Variants in RBM46 observed in about 807,000 individuals in gnomAD.
The protein encoded by RBM46 is probable RNA-binding protein 46.
In RBM46, 12 loss-of-function variants were observed where a neutral mutation model predicts 43.3. That is an observed-to-expected ratio of 0.28 (90% CI 0.18 to 0.45). The LOEUF is 0.45. RBM46 is among the 20% of genes least tolerant of loss of function. The pLI is 1.00. For missense variants in RBM46, 412 were observed against 639.1 expected, an observed-to-expected ratio of 0.64 and a Z score of 3.83; for synonymous variants, 205 against 207.6, an observed-to-expected ratio of 0.99 and a Z score of 0.11.
At chr4:154,807,236 GT>G (rs1734949369) in intron 4 of RBM46, among the ~76,000 whole-genome samples, 3 of 151,586 alleles carry the variant, frequency 2.0e-5, no homozygotes, top group African/African-American at 7.3e-5. Context: ...GAATGTAGCA[GT>G]TCATAATTTT....
chr4:154,787,063 C>T (rs1270508718), intron 1 of RBM46: 1 of 152,092 alleles, frequency 6.6e-6, no homozygotes, highest in African/African-American at 2.4e-5. Context: ...TTTTTTCCTT[C>T]TCTGGAGATA....
chr4:154,806,805 A>G (rs1353820838), intron 4 of RBM46, among the ~76,000 whole-genome samples: 1 of 151,952 alleles, frequency 6.6e-6, no homozygotes, highest in Non-Finnish European at 1.5e-5. Flanking sequence ...ACTACTTAAA[A>G]GTTTGGAAAC....
chr4:154,816,335 A>G (rs996579824), intron 4 of RBM46, among the ~76,000 whole-genome samples: 6 of 152,082 alleles, frequency 3.9e-5, no homozygotes, highest in East Asian at 1.9e-4. Flanking sequence ...GGGAACAATA[A>G]CATTTTTATA....
Position 154,815,330 on chromosome 4 carries a change from GA to G in RBM46, c.1403-12536del, listed in dbSNP as rs141274674. 7.6e-3 allele frequency among the ~76,000 whole-genome samples: 1,154 copies of G among 152,090 alleles called. 17 individuals carry two copies. Among genetic ancestry groups the G allele is most frequent in the African/African-American group, 0.026 (1,094 of 41,526 alleles). On this transcript the variant is annotated intron_variant, in intron 4 of 4. Coordinates refer to ENST00000281722, the MANE Select transcript of RBM46 (RefSeq NM_144979.5). ...GTGCTCATTTGCACACATTCCTGTT[GA>G]ATATATAGGAGTGAAAGTGGTGGGT...
chr4:154,814,851 T>G (rs573936088), intron 4 of RBM46, among the ~76,000 whole-genome samples: 1 of 151,294 alleles, frequency 6.6e-6, no homozygotes, highest in Non-Finnish European at 1.5e-5. Flanking sequence ...CCCTTTTTTT[T>G]AAAACTCCTT....
rs202039597 is a variant in RBM46 at position 154,797,881 on chromosome 4, A to G, written c.222A>G (p.Glu74=). The change falls in exon 3 of 5, where the codon GAA becomes GAG. Residue 74 remains glutamate (E), a synonymous_variant. Coordinates refer to ENST00000281722, the MANE Select transcript of RBM46 (RefSeq NM_144979.5). ...FVGKIPRDMY[E]DELVPVFERA... is the part of the protein sequence containing the mutation. ...GAAAAATACCTCGTGATATGTATGA[A>G]GATGAGTTAGTTCCTGTATTTGAAA... The G allele has an allele frequency of 1.2e-6, 2 of 1,603,186 alleles. No individual in the cohort carries two copies. Among genetic ancestry groups the G allele is most frequent in the Non-Finnish European group, 1.7e-6 (2 of 1,176,420 alleles).
chr4:154,790,101 T>C (rs1167879429), intron 1 of RBM46, among the ~76,000 whole-genome samples: 1 of 152,236 alleles, frequency 6.6e-6, no homozygotes, highest in South Asian at 2.1e-4. Flanking sequence ...ATCAATTTTG[T>C]TGATCTTTTC....
In RBM46 at chr4:154,828,105, TTGTAGTA is replaced by T. The variant is rs767029511; in HGVS notation, c.*41_*47del. ...CATTAGTATGAAAATTTGTGTAAATTTGTAGTATGAAAACTTGCAAATTAAAATATTG... is the reference window on the plus strand; with the variant it reads ...CATTAGTATGAAAATTTGTGTAAATTTGAAAACTTGCAAATTAAAATATTG... On this transcript the variant is annotated 3_prime_UTR_variant, in exon 5 of 5. Coordinates refer to ENST00000281722, the MANE Select transcript of RBM46 (RefSeq NM_144979.5). The T allele has an allele frequency of 1.4e-6, 2 of 1,436,376 alleles. No homozygotes were observed. The highest frequency in any genetic ancestry group is 9.8e-7 in the Non-Finnish European group (1 of 1,020,310). 89.0% of individuals were successfully genotyped at this position (1,436,376 alleles called of 1,614,324 possible). A position where few individuals can be genotyped will look rare whatever the true frequency, so the allele number is the denominator to read the frequency against.
At chr4:154,802,189 C>T (rs191829017) in intron 4 of RBM46, among the ~76,000 whole-genome samples, 2 of 152,068 alleles carry the variant, frequency 1.3e-5, no homozygotes, top group East Asian at 1.9e-4. Flanking sequence ...GCTTGACTAC[C>T]TATGTAAGTG....
chr4:154,826,955 C>G (rs1052860024), intron 4 of RBM46: 2 of 1,308,828 alleles, frequency 1.5e-6, no homozygotes, highest in South Asian at 5.2e-5. Flanking sequence ...TTCTTCCATT[C>G]CTAGAAACAC....
chr4:154,814,687 A>C (rs1735340145), intron 4 of RBM46, among the ~76,000 whole-genome samples: 1 of 152,134 alleles, frequency 6.6e-6, no homozygotes, highest in Admixed American at 6.5e-5. Context: ...TCTATGTAGC[A>C]TCTGTATTGA....
chr4:154,798,787 T>C lies in RBM46; in HGVS notation c.625T>C (p.Phe209Leu). ...MARRKLIPGT[F>L]QLWGHTIQVD... Reference sequence around the variant, plus strand: ...TTATTATTTTTTTTTTACAGGAACATTCCAACTATGGGGCCACACCATTCA... The same window carrying C: ...TTATTATTTTTTTTTTACAGGAACACTCCAACTATGGGGCCACACCATTCA... Residue 209 changes from phenylalanine (F) to leucine (L), a missense_variant, in exon 4 of 5, where the codon TTC becomes CTC. By Grantham distance (22) the Phe-to-Leu change is conservative. Around this residue, in one of 8 missense-constraint regions of RBM46, gnomAD observed 54 missense variants for 102.5 expected, o/e 0.53. Coordinates refer to ENST00000281722, the MANE Select transcript of RBM46 (RefSeq NM_144979.5). The C allele has an allele frequency of 6.8e-7, 1 of 1,479,078 alleles. No homozygotes were observed. Among genetic ancestry groups the C allele is most frequent in the Admixed American group, 2.7e-5 (1 of 36,592 alleles). 91.6% of individuals were successfully genotyped at this position (1,479,078 alleles called of 1,614,324 possible).
intron 4 of RBM46, among the ~76,000 whole-genome samples, chr4:154,814,012 T>G (rs935445610): frequency 1.3e-5 from 2 of 152,064 alleles, no homozygotes; most frequent in Non-Finnish European, 2.9e-5. Flanking sequence ...TCAGTGACAT[T>G]TTAAACTTCA....
intron 4 of RBM46, 41 bp from the exon 5 acceptor site, chr4:154,827,827 A>G (rs754162362): frequency 1.7e-5 from 28 of 1,608,826 alleles, no homozygotes; most frequent in Non-Finnish European, 2.3e-5. Context: ...ATTTGTGTCC[A>G]TAAAGATGTA....
chr4:154,799,660 G>A (rs1291532748), intron 4 of RBM46, 96 bp downstream of exon 4: 4 of 789,912 alleles, frequency 5.1e-6, no homozygotes, highest in East Asian at 2.9e-5. Context: ...AACATTAGTG[G>A]TAAGTATGTA....
chr4:154,791,508 T>C (rs1002036211), intron 1 of RBM46, among the ~76,000 whole-genome samples: 1 of 152,068 alleles, frequency 6.6e-6, no homozygotes, highest in Non-Finnish European at 1.5e-5. Flanking sequence ...ATTAGCTGGA[T>C]GTGGTGGTGC....
At chr4:154,804,952 G>C (rs1734839865) in intron 4 of RBM46, among the ~76,000 whole-genome samples, 1 of 151,690 alleles carries the variant, frequency 6.6e-6, no homozygotes, top group African/African-American at 2.4e-5. Context: ...TAGTGATGAA[G>C]GCAGATACAC....
intron 4 of RBM46, among the ~76,000 whole-genome samples, chr4:154,815,054 C>T (rs919629797): frequency 6.6e-6 from 1 of 151,986 alleles, no homozygotes. Context: ...ACTCCTCTGA[C>T]TTATTCTATG....
At chr4:154,812,369 C>T (rs1735221838) in intron 4 of RBM46, among the ~76,000 whole-genome samples, 1 of 152,038 alleles carries the variant, frequency 6.6e-6, no homozygotes, top group African/African-American at 2.4e-5. Context: ...CTGAGTTATC[C>T]TGAGTTAGAA....
Sources: gnomAD v4.1 joint callset for allele counts (sites outside exome capture counted in the v4.1 genomes callset) on GRCh38, gnomAD v4.1.1 for gene constraint, gnomAD v4.1.1 regional missense constraint, MANE v1.5 for transcripts, NCBI Gene and HGNC (gene_info 2026-07-23, HGNC 2026-07-21) for gene names.